APIP: variants seen among roughly 807,000 people sequenced by gnomAD.
APIP encodes methylthioribulose-1-phosphate dehydratase.
APIP carries 32 observed loss-of-function variants against 32.0 expected under a neutral mutation model. The observed-to-expected ratio is 1.00, with a 90% CI of 0.76 to 1.34. APIP has a LOEUF of 1.34. APIP is among the 40% of genes most tolerant of loss of function. The pLI is 0.00. For missense variants in APIP, 247 were observed against 298.6 expected, an observed-to-expected ratio of 0.83 and a Z score of 1.27; for synonymous variants, 92 against 94.8, an observed-to-expected ratio of 0.97 and a Z score of 0.17.
chr11:34,897,081 A>G (rs925361158), intron 1 of APIP, among the ~76,000 whole-genome samples: 5 of 152,248 alleles, frequency 3.3e-5, no homozygotes, highest in African/African-American at 1.2e-4. Flanking sequence ...ATTATTTAAC[A>G]GGTTGAATTC....
rs2956112 is a variant in APIP, at chr11:34,916,354, A to G, written c.-70T>C. ...TTGCGCGCGGCGCTTAGCCTGGGATACGGCAGCGAGGCCGCAAATGCAATC... is the reference window on the plus strand; with the variant it reads ...TTGCGCGCGGCGCTTAGCCTGGGATGCGGCAGCGAGGCCGCAAATGCAATC... On this transcript the variant is annotated 5_prime_UTR_variant, in exon 1 of 7. Transcript: ENST00000395787. 1,255,702 of 1,585,520 alleles carry G rather than the reference A, an allele frequency of 0.79. 498,642 individuals are homozygous for G. The highest frequency in any genetic ancestry group is 0.82 in the East Asian group (35,636 of 43,264).
intron 1 of APIP, among the ~76,000 whole-genome samples, chr11:34,906,904 A>G (rs1473585876): frequency 6.6e-6 from 1 of 152,146 alleles, no homozygotes; most frequent in Non-Finnish European, 1.5e-5. Context: ...GACCTTGCAT[A>G]CTCAATACTA....
intron 1 of APIP, chr11:34,915,869 G>C: frequency 3.0e-6 from 1 of 328,490 alleles, no homozygotes; most frequent in Non-Finnish European, 5.5e-6. Flanking sequence ...TGGGGGGCGC[G>C]GTCTTCGCCC....
At chr11:34,891,604 A>T (rs1853187376) in intron 2 of APIP, among the ~76,000 whole-genome samples, 1 of 152,156 alleles carries the variant, frequency 6.6e-6, no homozygotes, top group South Asian at 2.1e-4. Flanking sequence ...GTAGGCTTGG[A>T]ACCGATAAAA....
At chr11:34,914,861 G>C (rs963460232) in intron 1 of APIP, among the ~76,000 whole-genome samples, 7 of 151,998 alleles carry the variant, frequency 4.6e-5, no homozygotes, top group Admixed American at 2.6e-4. Flanking sequence ...AAAATTAACT[G>C]GGTGTGGTGA....
chr11:34,908,748 T>C (rs1293257873), intron 1 of APIP, among the ~76,000 whole-genome samples: 1 of 152,210 alleles, frequency 6.6e-6, no homozygotes, highest in East Asian at 1.9e-4. Flanking sequence ...TCTGTCTTAA[T>C]GAAGGACGGT....
At chr11:34,890,666 C>A in intron 2 of APIP, 114 bp from the exon 3 acceptor site, 1 of 1,100,714 alleles carries the variant, frequency 9.1e-7, no homozygotes, top group Non-Finnish European at 1.3e-6. Flanking sequence ...CAGCCAGTTG[C>A]TTGATTTAAT....
chr11:34,908,950 T>C (rs149495972), intron 1 of APIP, among the ~76,000 whole-genome samples: 2 of 143,468 alleles, frequency 1.4e-5, no homozygotes, highest in Non-Finnish European at 3.0e-5. Context: ...ACCAAAGAGT[T>C]TGAAACGTAA....
intron 2 of APIP, among the ~76,000 whole-genome samples, chr11:34,891,868 T>C (rs1204371769): frequency 6.6e-6 from 1 of 152,196 alleles, no homozygotes; most frequent in Admixed American, 6.5e-5. Flanking sequence ...AAATCTTGTG[T>C]CCTTGTGTAA....
chr11:34,901,945 G>T (rs1853377208), intron 1 of APIP, among the ~76,000 whole-genome samples: 2 of 152,118 alleles, frequency 1.3e-5, no homozygotes, highest in South Asian at 4.1e-4. Flanking sequence ...AAGATGCAGG[G>T]CCTCCTCAAA....
At chr11:34,904,564 T>C (rs2133919177) in intron 1 of APIP, among the ~76,000 whole-genome samples, 1 of 152,348 alleles carries the variant, frequency 6.6e-6, no homozygotes, top group Middle Eastern at 3.4e-3. Context: ...GGGAAACCTC[T>C]GAGCTAGTTA....
intron 5 of APIP, among the ~76,000 whole-genome samples, chr11:34,884,670 G>T (rs1183656235): frequency 6.6e-6 from 1 of 151,462 alleles, no homozygotes; most frequent in Non-Finnish European, 1.5e-5. Context: ...GGTTGCATAA[G>T]ACAAGATCGA....
intron 1 of APIP, 104 bp downstream of exon 1, chr11:34,916,124 G>T (rs1853678332): frequency 1.4e-6 from 2 of 1,447,986 alleles, no homozygotes; most frequent in East Asian, 2.6e-5. Flanking sequence ...ACCCCGCCCC[G>T]CAGCTAAACG....
rs1303449231 is a variant in APIP at position 34,900,491 on chromosome 11, G to A, written c.58-5381C>T. Among the ~76,000 whole-genome samples the A allele has an allele frequency of 5.3e-5, 8 of 152,058 alleles. 1 individual carries two copies. The highest frequency in any genetic ancestry group is 7.4e-5 in the Non-Finnish European group (5 of 68,024). ...AAGCAAATAAAGGGAGACTTAGGCC[G>A]ATTTTCTGACAACCCAGGTAGGTAT... On this transcript the variant is annotated intron_variant, in intron 1 of 6. Transcript: ENST00000395787.
At chr11:34,896,870 C>T (rs1405067469) in intron 1 of APIP, 1 of 1,225,294 alleles carries the variant, frequency 8.2e-7, no homozygotes, top group East Asian at 5.7e-5. Flanking sequence ...AAGCATGAGA[C>T]AAAACCCAGG....
intron 2 of APIP, among the ~76,000 whole-genome samples, chr11:34,894,484 AAAAC>A (rs1275131624): frequency 6.6e-6 from 1 of 151,154 alleles, no homozygotes; most frequent in Non-Finnish European, 1.5e-5. Context: ...AAAAAAAAAA[AAAAC>A]CCCAGAAAAA....
In APIP at chr11:34,896,791, T is replaced by A. The variant is rs1292577275; in HGVS notation, c.58-1681A>T. 4.7e-6 allele frequency: 6 copies of A among 1,287,756 alleles called. No homozygotes were observed. The South Asian group carries it at 7.4e-5, about 16-fold the overall frequency. The allele number at this position is 1,287,756 out of a possible 1,614,324, so 79.8% of individuals were successfully genotyped here. Reference sequence around the variant, plus strand: ...AGAGAAGTGAGCGCCAAAGCCAGAATGTTCCTGAAGGTATTGCAAAACTCT... The same window carrying A: ...AGAGAAGTGAGCGCCAAAGCCAGAAAGTTCCTGAAGGTATTGCAAAACTCT... On this transcript the variant is annotated intron_variant, in intron 1 of 6. Transcript: ENST00000395787.
intron 1 of APIP, chr11:34,896,747 G>T: frequency 1.8e-6 from 2 of 1,127,970 alleles, no homozygotes; most frequent in Non-Finnish European, 1.2e-6. Flanking sequence ...AACAACAAAG[G>T]AAAATGAGAC....
At position 34,897,150 on chromosome 11, in the gene APIP, GTTCTACTTACTCATTTTAAGTATTACAA is replaced by G. The variant is rs540262547; in HGVS notation, c.58-2068_58-2041del. On this transcript the variant is annotated intron_variant, in intron 1 of 6. Transcript: ENST00000395787. ...GTTTTTCCCCAGATTTAGTGCTAAT[GTTCTACTTACTCATTTTAAGTATTACAA>G]ATGATGACTGATGGAGTAAACTTCA... Among the ~76,000 whole-genome samples, 8 of 152,300 alleles carry G rather than the reference GTTCTACTTACTCATTTTAAGTATTACAA, an allele frequency of 5.3e-5. No homozygotes were observed. In the East Asian group the frequency reaches 1.5e-3, roughly 29 times the overall value.
Sources: gnomAD v4.1 joint callset for allele counts (sites outside exome capture counted in the v4.1 genomes callset) on GRCh38, gnomAD v4.1.1 for gene constraint, MANE v1.5 for transcripts, NCBI Gene and HGNC (gene_info 2026-07-23, HGNC 2026-07-21) for gene names.